The following CCSER1 variants were observed in gnomAD, a reference collection of about 807,000 sequenced individuals.
The protein encoded by CCSER1 is serine-rich coiled-coil domain-containing protein 1.
In CCSER1, 41 loss-of-function variants were observed where a neutral mutation model predicts 82.0. The observed-to-expected ratio is 0.50, with a 90% confidence interval of 0.39 to 0.65. The LOEUF (loss-of-function observed/expected upper bound fraction) is 0.65, where lower values mean the gene tolerates loss of function less well. Ranked by LOEUF, CCSER1 falls within the 30% of genes least tolerant of loss-of-function variation. The probability of loss-of-function intolerance (pLI) is 0.00; values close to 1 mark genes in which losing one functional copy is unlikely to be tolerated. For synonymous variants in CCSER1, 414 were observed against 383.9 expected, an observed-to-expected ratio of 1.08 and a Z score of -0.92; for missense variants, 1,119 against 1,064.2, an observed-to-expected ratio of 1.05 and a Z score of -0.72.
intron 6 of CCSER1, among the ~76,000 whole-genome samples, chr4:90,703,552 T>G (rs1260891027): frequency 6.6e-6 from 1 of 152,208 alleles, no homozygotes; most frequent in Non-Finnish European, 1.5e-5. Flanking sequence ...CTCGTTGATC[T>G]GTCTAATGTT....
At chr4:90,262,711 G>A (rs1203915290) in intron 1 of CCSER1, among the ~76,000 whole-genome samples, 2 of 152,020 alleles carry the variant, frequency 1.3e-5, no homozygotes, top group Non-Finnish European at 2.9e-5. Context: ...GCAGGGGGAA[G>A]GGTGGGAGCT....
intron 7 of CCSER1, among the ~76,000 whole-genome samples, chr4:90,734,768 C>T (rs1745377688): frequency 6.6e-6 from 1 of 152,120 alleles, no homozygotes; most frequent in South Asian, 2.1e-4. Flanking sequence ...GACCTGCAAA[C>T]AAGTATAATG....
At chr4:90,719,863 T>G (rs777842505) in intron 6 of CCSER1, among the ~76,000 whole-genome samples, 1 of 152,142 alleles carries the variant, frequency 6.6e-6, no homozygotes, top group Non-Finnish European at 1.5e-5. Context: ...CAGTGTAGCC[T>G]GAGGGTGGGA....
intron 9 of CCSER1, among the ~76,000 whole-genome samples, chr4:91,021,789 T>C (rs1739997428): frequency 6.6e-6 from 1 of 152,128 alleles, no homozygotes; most frequent in African/African-American, 2.4e-5. Context: ...AGTGACAACA[T>C]TCTAAAAGGG....
At chr4:91,439,634 G>A (rs1754962179) in intron 10 of CCSER1, among the ~76,000 whole-genome samples, 1 of 151,314 alleles carries the variant, frequency 6.6e-6, no homozygotes, top group African/African-American at 2.4e-5. Context: ...AAATGTAAAG[G>A]GACTAAATGC....
At chr4:91,558,094 A>T (rs936653536) in intron 10 of CCSER1, among the ~76,000 whole-genome samples, 3 of 79,854 alleles carry the variant, frequency 3.8e-5, no homozygotes, top group Non-Finnish European at 7.3e-5. Context: ...ATTAATAATT[A>T]CCTTTTAATA....
chr4:90,284,446 G>A (rs1729467760), intron 1 of CCSER1, among the ~76,000 whole-genome samples: 1 of 150,370 alleles, frequency 6.7e-6, no homozygotes, highest in Admixed American at 6.6e-5. Flanking sequence ...TATTTTAGTA[G>A]TTTTATAGTT....
chr4:90,138,213 G>T (rs1375709814), intron 1 of CCSER1, among the ~76,000 whole-genome samples: 1 of 151,936 alleles, frequency 6.6e-6, no homozygotes, highest in African/African-American at 2.4e-5. Flanking sequence ...TTTTTTTGAG[G>T]CAAAGTCTTG....
chr4:90,569,660 A>G (rs1452030764), intron 5 of CCSER1, among the ~76,000 whole-genome samples: 2 of 152,190 alleles, frequency 1.3e-5, no homozygotes, highest in African/African-American at 4.8e-5. Context: ...ATTTGTACCT[A>G]TGTGGAGCCA....
intron 10 of CCSER1, among the ~76,000 whole-genome samples, chr4:91,380,951 A>G (rs1750842269): frequency 6.6e-6 from 1 of 152,264 alleles, no homozygotes; most frequent in Non-Finnish European, 1.5e-5. Context: ...AGTGGTGACA[A>G]AATCTCTCAG....
chr4:90,776,539 C>T (rs1290047963), intron 7 of CCSER1, among the ~76,000 whole-genome samples: 2 of 152,120 alleles, frequency 1.3e-5, no homozygotes, highest in East Asian at 3.9e-4. Flanking sequence ...ATTGAATAAA[C>T]TTTGGTAATA....
chr4:91,266,547 G>A (rs1368007940), intron 10 of CCSER1, among the ~76,000 whole-genome samples: 2 of 151,966 alleles, frequency 1.3e-5, no homozygotes, highest in Admixed American at 6.6e-5. Context: ...CACAGCGCCC[G>A]GCCTTAAGCT....
At chr4:91,095,126 G>GC (rs910183019) in intron 10 of CCSER1, among the ~76,000 whole-genome samples, 1 of 152,050 alleles carries the variant, frequency 6.6e-6, no homozygotes, top group Admixed American at 6.6e-5. Context: ...TAATGTCCTT[G>GC]CCCCCTATTG....
intron 9 of CCSER1, among the ~76,000 whole-genome samples, chr4:91,030,046 G>A (rs1407652210): frequency 6.6e-6 from 1 of 151,890 alleles, no homozygotes; most frequent in Non-Finnish European, 1.5e-5. Flanking sequence ...GTCATAAAGG[G>A]TATAATAATT....
chr4:90,830,977 T>G (rs1026210191), intron 8 of CCSER1, among the ~76,000 whole-genome samples: 32 of 152,146 alleles, frequency 2.1e-4, no homozygotes, highest in African/African-American at 7.7e-4. Flanking sequence ...TCACTCAGCC[T>G]GTATTCCACT....
At chr4:90,932,594 C>T (rs929334186) in intron 9 of CCSER1, among the ~76,000 whole-genome samples, 1 of 151,828 alleles carries the variant, frequency 6.6e-6, no homozygotes, top group Non-Finnish European at 1.5e-5. Flanking sequence ...TTTGGTGGCC[C>T]AGGCGGGCGA....
chr4:90,853,712 T>A (rs1364219155), intron 8 of CCSER1, among the ~76,000 whole-genome samples: 1 of 152,174 alleles, frequency 6.6e-6, no homozygotes, highest in East Asian at 1.9e-4. Flanking sequence ...ATATACACTT[T>A]GGAAAGTTCT....
chr4:90,530,222 C>T (rs1244116891), intron 5 of CCSER1, among the ~76,000 whole-genome samples: 2 of 152,058 alleles, frequency 1.3e-5, no homozygotes, highest in African/African-American at 4.8e-5. Context: ...ATATAGAACA[C>T]AATTTAATCA....
At chr4:90,186,735 A>G (rs1366554387) in intron 1 of CCSER1, among the ~76,000 whole-genome samples, 1 of 151,938 alleles carries the variant, frequency 6.6e-6, no homozygotes, top group Non-Finnish European at 1.5e-5. Flanking sequence ...TAAAAACTGT[A>G]AAGTGTACCT....
Sources: allele counts gnomAD v4.1 joint callset (sites outside exome capture counted in the v4.1 genomes callset), GRCh38; gene constraint gnomAD v4.1.1; transcripts MANE v1.5; gene names NCBI Gene and HGNC (gene_info 2026-07-23, HGNC 2026-07-21).